The following ATXN1 variants were observed in gnomAD, a reference collection of about 807,000 sequenced individuals.
ATXN1 encodes the protein ataxin 1, also known as ataxin-1.
Under a neutral mutation model 56.4 loss-of-function variants are expected in ATXN1, and 8 were observed. The ratio of observed to expected loss-of-function variants is 0.14; its 90% CI spans 0.08 to 0.26. The LOEUF is 0.26. ATXN1 is among the 10% of genes least tolerant of loss of function. ATXN1 has a pLI of 1.00. For synonymous variants in ATXN1, 514 were observed against 494.6 expected (o/e 1.04, Z -0.52); for missense variants, 987 against 1,106.5 (o/e 0.89, Z 1.53).
chr6:16,547,388 A>C (rs1272858159), intron 4 of ATXN1, among the ~76,000 whole-genome samples: 2 of 152,152 alleles, frequency 1.3e-5, no homozygotes, highest in Non-Finnish European at 2.9e-5. Context: ...TGTCATTTTT[A>C]ACATCCACCG....
At chr6:16,348,342 G>T (rs1761482342) in intron 6 of ATXN1, among the ~76,000 whole-genome samples, 1 of 152,136 alleles carries the variant, frequency 6.6e-6, no homozygotes, top group Non-Finnish European at 1.5e-5. Context: ...TAGAATTACA[G>T]ATATGAGCCA....
chr6:16,675,732 A>T (rs559037190), intron 2 of ATXN1, among the ~76,000 whole-genome samples: 2 of 151,334 alleles, frequency 1.3e-5, no homozygotes, highest in East Asian at 3.9e-4. Context: ...AAAAATATAT[A>T]AAAAAAATTA....
intron 5 of ATXN1, among the ~76,000 whole-genome samples, chr6:16,487,028 C>A (rs1581794788): frequency 6.6e-6 from 1 of 152,140 alleles, no homozygotes; most frequent in East Asian, 1.9e-4. Flanking sequence ...ATTTTCCACA[C>A]CTGGATTTCT....
chr6:16,750,624 C>T (rs145592931), intron 2 of ATXN1, among the ~76,000 whole-genome samples: 251 of 152,294 alleles, frequency 1.6e-3, no homozygotes, highest in Middle Eastern at 3.4e-3. Context: ...TGCGCTACTT[C>T]GTCAGTATTT....
chr6:16,301,097 T>C lies in ATXN1; in HGVS notation c.*5232A>G. On this transcript the variant is annotated 3_prime_UTR_variant, in exon 8 of 8. Coordinates refer to ENST00000436367, the MANE Select transcript of ATXN1 (RefSeq NM_001128164.2). ...CAACCCTTCTCTGCTTTTTTTTTTT[T>C]ACAAACAAAGTATGAAACTCATTGT... is the stretch of plus-strand genomic sequence containing the variant. 6.6e-6 allele frequency: 1 copy of C among 152,358 alleles called. No individual in the cohort carries two copies. Among genetic ancestry groups the C allele is most frequent in the South Asian group, 2.1e-4 (1 of 4,800 alleles). 9.4% of individuals were successfully genotyped at this position (152,358 alleles called of 1,614,324 possible).
chr6:16,630,725 A>G (rs768049203), intron 3 of ATXN1, among the ~76,000 whole-genome samples: 1 of 152,274 alleles, frequency 6.6e-6, no homozygotes, highest in Non-Finnish European at 1.5e-5. Context: ...TAGAATATGC[A>G]GCAAAGAGAT....
chr6:16,307,772 C>G (rs1760285834), intron 7 of ATXN1, among the ~76,000 whole-genome samples: 1 of 151,998 alleles, frequency 6.6e-6, no homozygotes, highest in Non-Finnish European at 1.5e-5. Flanking sequence ...ACTAAAAACT[C>G]TGAACAAAAA....
chr6:16,714,445 T>G, intron 2 of ATXN1, among the ~76,000 whole-genome samples: 1 of 152,220 alleles, frequency 6.6e-6, no homozygotes, highest in East Asian at 1.9e-4. Context: ...TATTCCTTTT[T>G]GTGATTGTTT....
At chr6:16,556,044 T>C (rs1319747436) in intron 4 of ATXN1, among the ~76,000 whole-genome samples, 1 of 152,250 alleles carries the variant, frequency 6.6e-6, no homozygotes, top group African/African-American at 2.4e-5. Flanking sequence ...CATGTTTCAA[T>C]AGGCATTCTT....
chr6:16,395,716 C>A (rs1758441321), intron 6 of ATXN1, among the ~76,000 whole-genome samples: 1 of 152,020 alleles, frequency 6.6e-6, no homozygotes, highest in Admixed American at 6.6e-5. Context: ...ACTCTTTCTA[C>A]CTATAAGAAA....
chr6:16,331,388 T>C (rs1336329048), intron 6 of ATXN1, among the ~76,000 whole-genome samples: 4 of 152,172 alleles, frequency 2.6e-5, no homozygotes, highest in Non-Finnish European at 1.5e-5. Context: ...CTTTTATCTT[T>C]AAATTTCAAG....
intron 1 of ATXN1, among the ~76,000 whole-genome samples, chr6:16,754,262 C>T (rs1760818797): frequency 6.6e-6 from 1 of 152,176 alleles, no homozygotes; most frequent in Admixed American, 6.5e-5. Flanking sequence ...CATCCCCAAA[C>T]TAGTGAATGC....
At chr6:16,555,480 C>T (rs1761993999) in intron 4 of ATXN1, among the ~76,000 whole-genome samples, 1 of 152,198 alleles carries the variant, frequency 6.6e-6, no homozygotes, top group Non-Finnish European at 1.5e-5. Flanking sequence ...AACAATGCTA[C>T]CATATGTCAA....
Position 16,327,669 on chromosome 6 carries a change from CTGCTGCTGA to C in ATXN1, c.633_641del (p.His211_Gln213del), listed in dbSNP as rs751631878. On this transcript the variant is annotated inframe_deletion, in exon 7 of 8. Coordinates refer to ENST00000436367, the MANE Select transcript of ATXN1 (RefSeq NM_001128164.2). ...GCTGCTGCTGCTGCTGCTGCTGCTG[CTGCTGCTGA>C]TGCTGATGCTGCTGCTGCTGCTGCT... is the stretch of plus-strand genomic sequence containing the variant. 1.7e-4 allele frequency: 258 copies of C among 1,505,518 alleles called. No individual in the cohort carries two copies. The African/African-American group carries it at 4.0e-3, about 23-fold the overall frequency. 93.3% of individuals were successfully genotyped at this position (1,505,518 alleles called of 1,614,324 possible). A position where few individuals can be genotyped will look rare whatever the true frequency, so the allele number is the denominator to read the frequency against.
intron 3 of ATXN1, among the ~76,000 whole-genome samples, chr6:16,607,341 A>G (rs1390096867): frequency 6.6e-6 from 1 of 152,256 alleles, no homozygotes; most frequent in African/African-American, 2.4e-5. Flanking sequence ...AATTATGTGC[A>G]TCACAAAATA....
chr6:16,353,573 C>T (rs1554140314), intron 6 of ATXN1, among the ~76,000 whole-genome samples: 1 of 152,172 alleles, frequency 6.6e-6, no homozygotes, highest in Non-Finnish European at 1.5e-5. Context: ...ACTCAGGAGG[C>T]TGAGGCATGA....
At chr6:16,600,358 A>C (rs1762890759) in intron 3 of ATXN1, among the ~76,000 whole-genome samples, 1 of 152,222 alleles carries the variant, frequency 6.6e-6, no homozygotes, top group South Asian at 2.1e-4. Context: ...TTAAAAGTTG[A>C]CTGTATAATA....
At chr6:16,371,089 ACACCAACTAGAATGGTGTGAAAG>A (rs1290610732) in intron 6 of ATXN1, among the ~76,000 whole-genome samples, 1 of 152,200 alleles carries the variant, frequency 6.6e-6, no homozygotes, top group Non-Finnish European at 1.5e-5. Flanking sequence ...ATTTGCTTTC[ACACCAACTAGAATGGTGTGAAAG>A]AATGGTTTGC....
At chr6:16,712,118 C>G (rs1759536341) in intron 2 of ATXN1, among the ~76,000 whole-genome samples, 1 of 152,094 alleles carries the variant, frequency 6.6e-6, no homozygotes, top group South Asian at 2.1e-4. Flanking sequence ...TGTCCCATAT[C>G]TTGATTAGGA....
Sources: gnomAD v4.1 joint callset for allele counts (sites outside exome capture counted in the v4.1 genomes callset) on GRCh38, gnomAD v4.1.1 for gene constraint, MANE v1.5 for transcripts, NCBI Gene and HGNC (gene_info 2026-07-23, HGNC 2026-07-21) for gene names.